TGFBR3: variants seen among roughly 807,000 people sequenced by gnomAD.
TGFBR3 encodes the protein transforming growth factor beta receptor 3.
TGFBR3 carries 46 observed loss-of-function variants against 87.9 expected under a neutral mutation model. The observed-to-expected ratio is 0.52, with a 90% CI of 0.41 to 0.67. The LOEUF (loss-of-function observed/expected upper bound fraction) is 0.67. TGFBR3 is among the 30% of genes least tolerant of loss of function. The pLI is 0.00. For missense variants in TGFBR3, 866 were observed against 1,041.9 expected (o/e 0.83, Z 2.32); for synonymous variants, 381 against 391.6 (o/e 0.97, Z 0.32).
At chr1:91,813,535 C>G (rs1237318510) in intron 2 of TGFBR3, among the ~76,000 whole-genome samples, 1 of 152,182 alleles carries the variant, frequency 6.6e-6, no homozygotes, top group African/African-American at 2.4e-5. Flanking sequence ...TTTTTCCACT[C>G]TAGTTTCTCA....
chr1:91,882,995 A>C (rs60483196), intron 1 of TGFBR3, among the ~76,000 whole-genome samples: 9,874 of 152,238 alleles, frequency 0.065, 369 homozygotes, highest in African/African-American at 0.099. Context: ...TTAATGAAAG[A>C]TGATGACAGG....
intron 3 of TGFBR3, among the ~76,000 whole-genome samples, chr1:91,795,136 G>A (rs773575699): frequency 1.3e-5 from 2 of 152,146 alleles, no homozygotes; most frequent in East Asian, 1.9e-4. Flanking sequence ...TGTGAGCAAC[G>A]CAGAGCCAGA....
chr1:91,745,017 TACAC>T (rs34081815), intron 4 of TGFBR3, among the ~76,000 whole-genome samples: 4 of 151,354 alleles, frequency 2.6e-5, no homozygotes, highest in African/African-American at 7.3e-5. Context: ...AACGCACGCG[TACAC>T]ACACACACAC....
chr1:91,775,975 AAG>A (rs1674553001), intron 3 of TGFBR3, among the ~76,000 whole-genome samples: 1 of 152,240 alleles, frequency 6.6e-6, no homozygotes, highest in Non-Finnish European at 1.5e-5. Flanking sequence ...GTAATCCAGT[AAG>A]AGAATTGTTT....
intron 2 of TGFBR3, among the ~76,000 whole-genome samples, chr1:91,898,015 T>C (rs1170618373): frequency 6.8e-6 from 1 of 147,158 alleles, no homozygotes; most frequent in Admixed American, 7.0e-5. Flanking sequence ...TAGCAAGACC[T>C]CAGTCTCCAT....
At chr1:91,865,297 T>G (rs1571585988) in intron 1 of TGFBR3, among the ~76,000 whole-genome samples, 1 of 150,328 alleles carries the variant, frequency 6.7e-6, no homozygotes. Context: ...TTAATAAACT[T>G]GCTTTCACTT....
chr1:91,699,835 C>T (rs1671561996), intron 14 of TGFBR3, among the ~76,000 whole-genome samples: 1 of 152,166 alleles, frequency 6.6e-6, no homozygotes, highest in African/African-American at 2.4e-5. Context: ...TGGGGAAGCA[C>T]TGATGAAGTA....
At chr1:91,864,257 G>A (rs1272647225) in intron 1 of TGFBR3, 1 of 152,188 alleles carries the variant, frequency 6.6e-6, no homozygotes, top group Admixed American at 6.5e-5. Flanking sequence ...TAATCCAGGG[G>A]CTTAAGCCAG....
chr1:91,858,518 G>A (rs971912880), intron 2 of TGFBR3, among the ~76,000 whole-genome samples: 1 of 150,114 alleles, frequency 6.7e-6, no homozygotes, highest in African/African-American at 2.5e-5. Flanking sequence ...GGGAGGTTGA[G>A]GCAGGAGAAT....
chr1:91,729,788 CACTTAG>C lies in TGFBR3; in HGVS notation c.737+11_737+16del, dbSNP rs1672698050. 6.2e-7 allele frequency: 1 copy of C among 1,613,910 alleles called. No individual in the cohort carries two copies. ...ACTTTCATCTCTTGTCACACTCACA[CACTTAG>C]ACTCACTTACCTGTAGGGGTTAGAG... On this transcript the variant is annotated intron_variant, in intron 6 of 16. Transcript: ENST00000212355.
chr1:91,794,213 T>G (rs7555041), intron 3 of TGFBR3, among the ~76,000 whole-genome samples: 292 of 151,550 alleles, frequency 1.9e-3, no homozygotes, highest in Middle Eastern at 0.017. Flanking sequence ...ACCTTTTTTT[T>G]TTGTTGTTGA....
chr1:91,773,901 CT>C (rs560637725), intron 3 of TGFBR3, among the ~76,000 whole-genome samples: 11 of 152,162 alleles, frequency 7.2e-5, no homozygotes, highest in Non-Finnish European at 1.6e-4. Flanking sequence ...GAAATGCTGG[CT>C]TGAAAAATTA....
intron 16 of TGFBR3, among the ~76,000 whole-genome samples, chr1:91,693,317 T>C (rs1031137715): frequency 2.6e-5 from 4 of 152,190 alleles, no homozygotes; most frequent in African/African-American, 9.7e-5. Flanking sequence ...TCTGAATCAG[T>C]GTAATTCATT....
chr1:91,815,179 G>A (rs1676171713), intron 2 of TGFBR3, among the ~76,000 whole-genome samples: 1 of 152,074 alleles, frequency 6.6e-6, no homozygotes. Context: ...GTGGGGGCCT[G>A]TAATCCCGGC....
chr1:91,785,386 G>A (rs1674919501), intron 3 of TGFBR3, among the ~76,000 whole-genome samples: 1 of 152,222 alleles, frequency 6.6e-6, no homozygotes, highest in Non-Finnish European at 1.5e-5. Context: ...TTCTTAGGGT[G>A]ATGGAAATGT....
At position 91,682,260 on chromosome 1, in the gene TGFBR3, T is replaced by A. The variant is rs1245702092; in HGVS notation, c.*1479A>T. ...TATTTTAAGGGCAGTGGGATTTGCT[T>A]ATGAATATTTTGGGGGTAGAATCTA... On this transcript the variant is annotated 3_prime_UTR_variant, in exon 17 of 17. Coordinates refer to ENST00000212355, the MANE Select transcript of TGFBR3 (RefSeq NM_003243.5). 3 of 454,074 alleles carry A rather than the reference T, an allele frequency of 6.6e-6. No individual in the cohort carries two copies. The highest frequency in any genetic ancestry group is 4.4e-6 in the Non-Finnish European group (1 of 226,782). The allele number at this position is 454,074 out of a possible 1,614,324, so 28.1% of individuals were successfully genotyped here.
intron 15 of TGFBR3, 140 bp downstream of exon 15, chr1:91,697,949 G>A (rs1459020200): frequency 2.6e-6 from 2 of 782,868 alleles, no homozygotes; most frequent in East Asian, 2.6e-5. Context: ...TGAGCAAAAA[G>A]GGGAAAGGGG....
intron 3 of TGFBR3, among the ~76,000 whole-genome samples, chr1:91,762,230 T>C (rs1157302074): frequency 6.6e-6 from 1 of 152,124 alleles, no homozygotes; most frequent in African/African-American, 2.4e-5. Context: ...AATGCATGTG[T>C]GCACCCTCTC....
chr1:91,882,389 G>A lies in TGFBR3; in HGVS notation c.-114+3489C>T, dbSNP rs192118267. 3.2e-3 allele frequency among the ~76,000 whole-genome samples: 478 copies of A among 151,604 alleles called. 3 individuals carry two copies. The highest frequency in any genetic ancestry group is 0.011 in the African/African-American group (447 of 41,458). On this transcript the variant is annotated intron_variant, in intron 1 of 16. Coordinates refer to ENST00000212355, the MANE Select transcript of TGFBR3 (RefSeq NM_003243.5). ...TGACCTCAAGTGATCCACCTGCCTC[G>A]GCCTCCCAACATGCTGGGATTACAG...
Sources: gnomAD v4.1 joint callset for allele counts (sites outside exome capture counted in the v4.1 genomes callset) on GRCh38, gnomAD v4.1.1 for gene constraint, MANE v1.5 for transcripts, NCBI Gene and HGNC (gene_info 2026-07-23, HGNC 2026-07-21) for gene names.